The following LHFPL6 variants were observed in gnomAD, a reference collection of about 807,000 sequenced individuals.
LHFPL6 encodes the protein LHFPL tetraspan subfamily member 6.
A neutral mutation model predicts 20.6 loss-of-function variants in LHFPL6; 9 were observed. The ratio of observed to expected loss-of-function variants is 0.44; its 90% confidence interval spans 0.26 to 0.76. The LOEUF is 0.76. LHFPL6 is among the 30% of genes least tolerant of loss of function. The pLI is 0.20. For missense variants in LHFPL6, 218 were observed against 253.5 expected (o/e 0.86, Z 0.95); for synonymous variants, 105 against 98.7 (o/e 1.06, Z -0.38).
intron 2 of LHFPL6, among the ~76,000 whole-genome samples, chr13:39,417,764 C>A (rs1035400583): frequency 6.6e-6 from 1 of 152,164 alleles, no homozygotes; most frequent in Non-Finnish European, 1.5e-5. Flanking sequence ...GGGGCAGGGG[C>A]GACTTTGTGG....
intron 2 of LHFPL6, among the ~76,000 whole-genome samples, chr13:39,575,222 G>C (rs1872077351): frequency 6.6e-6 from 1 of 152,144 alleles, no homozygotes; most frequent in South Asian, 2.1e-4. Flanking sequence ...CCTGGGAATA[G>C]CAGAGCACAG....
At chr13:39,361,402 C>G (rs548820421) in intron 3 of LHFPL6, among the ~76,000 whole-genome samples, 4 of 152,068 alleles carry the variant, frequency 2.6e-5, no homozygotes, top group South Asian at 2.1e-4. Flanking sequence ...ACTGCAACCT[C>G]CGCCTCCCAG....
At chr13:39,455,913 C>T (rs970108915) in intron 2 of LHFPL6, among the ~76,000 whole-genome samples, 11 of 152,116 alleles carry the variant, frequency 7.2e-5, no homozygotes, top group South Asian at 2.1e-4. Flanking sequence ...GTTATGAATA[C>T]GGAAACACAT....
chr13:39,418,001 C>T (rs1264967953), intron 2 of LHFPL6, among the ~76,000 whole-genome samples: 1 of 152,074 alleles, frequency 6.6e-6, no homozygotes, highest in East Asian at 1.9e-4. Context: ...AATCCACAGA[C>T]AGATCTGCAT....
At chr13:39,539,140 G>A (rs1320057363) in intron 2 of LHFPL6, among the ~76,000 whole-genome samples, 2 of 152,004 alleles carry the variant, frequency 1.3e-5, no homozygotes, top group Non-Finnish European at 2.9e-5. Flanking sequence ...ATAGAAGCTG[G>A]GCTTATGACA....
In LHFPL6 at chr13:39,393,955, C is replaced by T. The variant is rs188047470; in HGVS notation, c.386-15429G>A. On this transcript the variant is annotated intron_variant, in intron 2 of 3. Transcript: ENST00000379589. ...CCAAATTTCCTTTCCTTTTTTCTTT[C>T]ATAGAGATGGAGTCTCCCTGTGTCA... 6.6e-5 allele frequency among the ~76,000 whole-genome samples: 10 copies of T among 152,020 alleles called. No homozygotes were observed. In the East Asian group the frequency reaches 1.9e-3, roughly 29 times the overall value.
chr13:39,385,343 G>A (rs1205579325), intron 2 of LHFPL6, among the ~76,000 whole-genome samples: 1 of 152,158 alleles, frequency 6.6e-6, no homozygotes, highest in Non-Finnish European at 1.5e-5. Flanking sequence ...CCCTGTTCAA[G>A]GACAATTAAA....
chr13:39,490,453 T>G (rs1456697536), intron 2 of LHFPL6, among the ~76,000 whole-genome samples: 1 of 152,202 alleles, frequency 6.6e-6, no homozygotes, highest in African/African-American at 2.4e-5. Flanking sequence ...TAGCCACCGG[T>G]AGGCTCGCTC....
rs2138329552 is a variant in LHFPL6 at position 39,343,193 on chromosome 13, A to G, written c.*743T>C. ...ATGGAAATACAAAGGCTTAACTCTAAAGGTCTGCATAAACACTGAAAATAT... is the reference window on the plus strand; with the variant it reads ...ATGGAAATACAAAGGCTTAACTCTAGAGGTCTGCATAAACACTGAAAATAT... On this transcript the variant is annotated 3_prime_UTR_variant, in exon 4 of 4. Coordinates refer to ENST00000379589, the MANE Select transcript of LHFPL6 (RefSeq NM_005780.3). The G allele has an allele frequency of 9.5e-6, 2 of 210,544 alleles. No individual in the cohort carries two copies. Among genetic ancestry groups the G allele is most frequent in the Admixed American group, 1.2e-4 (2 of 17,030 alleles). 13.0% of individuals were successfully genotyped at this position (210,544 alleles called of 1,614,324 possible).
intron 2 of LHFPL6, among the ~76,000 whole-genome samples, chr13:39,476,342 T>C (rs909876866): frequency 6.6e-6 from 1 of 152,228 alleles, no homozygotes; most frequent in African/African-American, 2.4e-5. Context: ...AAAACATCTA[T>C]TTTTATTTCA....
chr13:39,527,774 A>G (rs1037775528), intron 2 of LHFPL6, among the ~76,000 whole-genome samples: 27 of 152,186 alleles, frequency 1.8e-4, no homozygotes, highest in Non-Finnish European at 1.5e-5. Flanking sequence ...TTGGCTGGAC[A>G]AGGAAAAACT....
At chr13:39,368,674 T>C (rs1870073160) in intron 3 of LHFPL6, among the ~76,000 whole-genome samples, 1 of 152,186 alleles carries the variant, frequency 6.6e-6, no homozygotes, top group African/African-American at 2.4e-5. Flanking sequence ...AAATGATTTA[T>C]GATCTTTAGA....
intron 2 of LHFPL6, among the ~76,000 whole-genome samples, chr13:39,487,427 TA>T (rs1868762705): frequency 6.6e-6 from 1 of 152,200 alleles, no homozygotes; most frequent in Admixed American, 6.5e-5. Context: ...TGACCTTGGC[TA>T]AAGCAGTTAA....
chr13:39,390,445 C>CT, intron 2 of LHFPL6, among the ~76,000 whole-genome samples: 1 of 152,094 alleles, frequency 6.6e-6, no homozygotes, highest in Non-Finnish European at 1.5e-5. Flanking sequence ...CTGCAGTGAG[C>CT]TATGACTGCA....
intron 3 of LHFPL6, among the ~76,000 whole-genome samples, chr13:39,375,465 T>C (rs960385500): frequency 3.3e-5 from 5 of 151,806 alleles, no homozygotes; most frequent in African/African-American, 1.2e-4. Context: ...CTGAGGTGGG[T>C]GGATCACTTG....
At chr13:39,582,978 G>A (rs1227442388) in intron 2 of LHFPL6, among the ~76,000 whole-genome samples, 2 of 152,064 alleles carry the variant, frequency 1.3e-5, no homozygotes, top group East Asian at 1.9e-4. Context: ...AGTCTCAGGT[G>A]GAGAGCAAAC....
intron 2 of LHFPL6, among the ~76,000 whole-genome samples, chr13:39,416,541 C>CT (rs1188368519): frequency 3.9e-5 from 6 of 152,312 alleles, no homozygotes; most frequent in African/African-American, 1.4e-4. Flanking sequence ...CCTTGAGCTC[C>CT]TTTTCCATAC....
At chr13:39,444,651 A>G (rs1355665713) in intron 2 of LHFPL6, among the ~76,000 whole-genome samples, 4 of 152,204 alleles carry the variant, frequency 2.6e-5, no homozygotes, top group African/African-American at 9.6e-5. Context: ...TCCACAGGGT[A>G]CAAGCTATAA....
intron 2 of LHFPL6, among the ~76,000 whole-genome samples, chr13:39,404,148 T>G (rs1398728710): frequency 6.6e-6 from 1 of 152,230 alleles, no homozygotes; most frequent in Non-Finnish European, 1.5e-5. Flanking sequence ...GATGGAATTT[T>G]GTTTGAAATT....
Sources: gnomAD v4.1 joint callset for allele counts (sites outside exome capture counted in the v4.1 genomes callset) on GRCh38, gnomAD v4.1.1 for gene constraint, MANE v1.5 for transcripts, NCBI Gene and HGNC (gene_info 2026-07-23, HGNC 2026-07-21) for gene names.